Variants in ROR1 observed in about 807,000 individuals in gnomAD.
ROR1 encodes the protein ROR family WNT receptor 1, also known as inactive tyrosine-protein kinase transmembrane receptor ROR1.
A neutral mutation model predicts 78.8 loss-of-function variants in ROR1; 19 were observed. That is an observed-to-expected ratio of 0.24 (90% confidence interval 0.17 to 0.35). The LOEUF (loss-of-function observed/expected upper bound fraction) is 0.35, where lower values mean the gene tolerates loss of function less well. Among genes scored for constraint, ROR1 ranks in the 10% least tolerant of loss-of-function variants. ROR1 has a pLI of 1.00. For missense variants in ROR1, 917 were observed against 1,177.8 expected (o/e 0.78, Z 3.24); for synonymous variants, 386 against 433.6 (o/e 0.89, Z 1.36).
intron 8 of ROR1, among the ~76,000 whole-genome samples, chr1:64,168,330 A>G (rs929640043): frequency 1.3e-5 from 2 of 152,212 alleles, no homozygotes; most frequent in African/African-American, 4.8e-5. Context: ...AGGAGCTAAT[A>G]TGTGTAAAGT....
chr1:64,131,682 A>G (rs565387392), intron 4 of ROR1, among the ~76,000 whole-genome samples: 1 of 152,268 alleles, frequency 6.6e-6, no homozygotes, highest in East Asian at 1.9e-4. Flanking sequence ...TGATGTGATC[A>G]TGGCTAACTA....
chr1:64,127,183 T>C (rs1648740624), intron 4 of ROR1, among the ~76,000 whole-genome samples: 2 of 152,210 alleles, frequency 1.3e-5, no homozygotes, highest in Non-Finnish European at 2.9e-5. Flanking sequence ...TACTGTTTTG[T>C]GTTGTCTCTT....
chr1:63,905,984 T>C (rs949075364), intron 1 of ROR1, among the ~76,000 whole-genome samples: 1 of 152,214 alleles, frequency 6.6e-6, no homozygotes, highest in Non-Finnish European at 1.5e-5. Context: ...GATAATTAGC[T>C]AAATGTAATC....
intron 1 of ROR1, among the ~76,000 whole-genome samples, chr1:63,958,128 C>G (rs565623745): frequency 2.8e-4 from 43 of 152,254 alleles, no homozygotes; most frequent in African/African-American, 9.9e-4. Flanking sequence ...TGTCATATAG[C>G]TATATCAAAT....
intron 1 of ROR1, among the ~76,000 whole-genome samples, chr1:63,914,965 G>A (rs776354178): frequency 6.6e-6 from 1 of 152,146 alleles, no homozygotes; most frequent in Non-Finnish European, 1.5e-5. Flanking sequence ...AAGACAATAT[G>A]TGTGAAAGTC....
intron 1 of ROR1, among the ~76,000 whole-genome samples, chr1:63,963,204 A>G (rs1415417531): frequency 6.6e-6 from 1 of 152,220 alleles, no homozygotes; most frequent in African/African-American, 2.4e-5. Context: ...ATTTCATGAT[A>G]GTAACTTAAT....
intron 4 of ROR1, among the ~76,000 whole-genome samples, chr1:64,096,840 A>G (rs1647317808): frequency 6.6e-6 from 1 of 151,884 alleles, no homozygotes; most frequent in South Asian, 2.1e-4. Flanking sequence ...ACAGTGGTTG[A>G]ACTAATTTAC....
intron 1 of ROR1, among the ~76,000 whole-genome samples, chr1:63,894,586 C>T (rs1255618752): frequency 6.6e-6 from 1 of 152,022 alleles, no homozygotes; most frequent in Non-Finnish European, 1.5e-5. Context: ...GGATGGGGCT[C>T]CTGTAGCACA....
intron 4 of ROR1, among the ~76,000 whole-genome samples, chr1:64,053,506 C>T (rs949484551): frequency 1.3e-5 from 2 of 152,186 alleles, no homozygotes; most frequent in Non-Finnish European, 2.9e-5. Flanking sequence ...TTGCTGGGTC[C>T]TGGCTACCCC....
chr1:63,859,813 G>C (rs976377449), intron 1 of ROR1, among the ~76,000 whole-genome samples: 1 of 152,234 alleles, frequency 6.6e-6, no homozygotes, highest in African/African-American at 2.4e-5. Flanking sequence ...TTGTGGACTA[G>C]CTCTGAGCTT....
At chr1:64,038,126 C>T (rs939416095) in intron 2 of ROR1, among the ~76,000 whole-genome samples, 2 of 152,152 alleles carry the variant, frequency 1.3e-5, no homozygotes, top group African/African-American at 2.4e-5. Flanking sequence ...CCTCCATGTC[C>T]GCACAAGTAT....
rs1173330361 is a variant in ROR1, at chr1:63,774,542, AC to A, written c.91+39del. 1.1e-6 allele frequency: 1 copy of A among 946,920 alleles called. No homozygotes were observed. The highest frequency in any genetic ancestry group is 9.3e-5 in the East Asian group (1 of 10,710). The allele number at this position is 946,920 out of a possible 1,614,324, so 58.7% of individuals were successfully genotyped here. A position where few individuals can be genotyped will look rare whatever the true frequency, so the allele number is the denominator to read the frequency against. On this transcript the variant is annotated intron_variant, in intron 1 of 8. Transcript: ENST00000371079. This position sits in a 1 kb window ranked among gnomAD's most constrained non-coding sequence, Gnocchi z 5.7. Reference sequence around the variant, plus strand: ...CGCCCGCCGGCCCCCGCCCGCCCAGACCCCCTGACCCGTGGCCACCCTTCCG... The same window carrying A: ...CGCCCGCCGGCCCCCGCCCGCCCAGACCCCTGACCCGTGGCCACCCTTCCG...
intron 4 of ROR1, among the ~76,000 whole-genome samples, chr1:64,104,531 C>T (rs576868270): frequency 3.0e-4 from 46 of 151,356 alleles, no homozygotes; most frequent in Non-Finnish European, 5.2e-4. Flanking sequence ...ATGTATAGAA[C>T]ACGCAGATTT....
intron 2 of ROR1, among the ~76,000 whole-genome samples, chr1:64,015,442 A>G (rs1051587401): frequency 6.6e-6 from 1 of 152,078 alleles, no homozygotes; most frequent in African/African-American, 2.4e-5. Flanking sequence ...AAGCTTCACC[A>G]TCAAGGCCTA....
At chr1:63,787,478 CTT>C in intron 1 of ROR1, among the ~76,000 whole-genome samples, 1 of 123,194 alleles carries the variant, frequency 8.1e-6, no homozygotes, top group African/African-American at 3.6e-5. Flanking sequence ...TCCTTCCTTC[CTT>C]CCTGCCTTCC....
chr1:64,051,409 C>T (rs948086452), intron 4 of ROR1, among the ~76,000 whole-genome samples: 5 of 150,282 alleles, frequency 3.3e-5, no homozygotes, highest in African/African-American at 1.2e-4. Context: ...CAGATGGCGC[C>T]ACTGCACTCC....
intron 1 of ROR1, among the ~76,000 whole-genome samples, chr1:63,965,358 T>C (rs565871119): frequency 3.9e-5 from 6 of 152,310 alleles, no homozygotes; most frequent in African/African-American, 1.4e-4. Flanking sequence ...CACTTGCTCA[T>C]GGCAAAAGTT....
At chr1:64,057,311 G>A (rs1646882931) in intron 4 of ROR1, among the ~76,000 whole-genome samples, 1 of 152,118 alleles carries the variant, frequency 6.6e-6, no homozygotes. Context: ...AATTAAACAT[G>A]TGTCTATGTG....
chr1:63,988,244 G>T (rs552718978), intron 1 of ROR1, among the ~76,000 whole-genome samples: 6 of 152,246 alleles, frequency 3.9e-5, no homozygotes, highest in African/African-American at 1.4e-4. Context: ...CAGGATAAAA[G>T]GTAGTCTGTA....
Sources: gnomAD v4.1 joint callset for allele counts (sites outside exome capture counted in the v4.1 genomes callset) on GRCh38, gnomAD v4.1.1 for gene constraint, Gnocchi (gnomAD v3.1) non-coding constraint, MANE v1.5 for transcripts, NCBI Gene and HGNC (gene_info 2026-07-23, HGNC 2026-07-21) for gene names.